Variants in DVL1 observed in about 807,000 individuals in gnomAD.
DVL1 encodes the protein dishevelled segment polarity protein 1, also known as segment polarity protein dishevelled homolog DVL-1.
DVL1 carries 49 observed loss-of-function variants against 65.0 expected under a neutral mutation model. The observed-to-expected ratio is 0.75, with a 90% CI of 0.60 to 0.96. The LOEUF (loss-of-function observed/expected upper bound fraction) is 0.96, where lower values mean the gene tolerates loss of function less well. Among genes scored for constraint, DVL1 ranks in the 40% least tolerant of loss-of-function variants. The pLI is 0.00. For synonymous variants in DVL1, 608 were observed against 433.9 expected (o/e 1.40, Z -4.99); for missense variants, 1,197 against 1,045.4 (o/e 1.15, Z -2.00).
chr1:1,347,911 T>C (rs577063305), intron 1 of DVL1, among the ~76,000 whole-genome samples: 29 of 152,276 alleles, frequency 1.9e-4, no homozygotes, highest in African/African-American at 7.0e-4. Flanking sequence ...TGGGCCCCCC[T>C]GAGAGCTCCA....
In DVL1 at chr1:1,341,756, C is replaced by T. The variant is rs771867746; in HGVS notation, c.516G>A (p.Gly172=). 1.2e-6 allele frequency: 2 copies of T among 1,606,710 alleles called. No homozygotes were observed. Among genetic ancestry groups the T allele is most frequent in the Non-Finnish European group, 1.7e-6 (2 of 1,176,298 alleles). Residue 172 remains glycine (G), a synonymous_variant, in exon 5 of 15, where the codon GGG becomes GGA. Coordinates refer to ENST00000378888, the MANE Select transcript of DVL1 (RefSeq NM_001330311.2). ...HPRGDRRRDV[G]LPPDSASTAL... ...CGGTGGACGCGCTGTCTGGGGGCAG[C>T]CCCACATCCCGCCGTCGGTCTCCCC...
In DVL1 at chr1:1,338,346, T is replaced by C. The variant is rs774887277; in HGVS notation, c.1430A>G (p.His477Arg). ...GTTGACCGTGTGCCGCAGGAAGCCG[T>C]GCTTCAGCAAGCTGCTGGCGTACTT... The part of the protein sequence containing the change: ...ARKYASSLLK[H>R]GFLRHTVNKI... Residue 477 changes from histidine (H) to arginine (R), a missense_variant, in exon 13 of 15, where the codon CAC (histidine) becomes CGC (arginine). His to Arg is a conservative substitution (Grantham distance 29, BLOSUM62 0). Coordinates refer to ENST00000378888, the MANE Select transcript of DVL1 (RefSeq NM_001330311.2). 2 of 1,612,360 alleles carry C rather than the reference T, an allele frequency of 1.2e-6. No individual in the cohort carries two copies. The highest frequency in any genetic ancestry group is 1.7e-6 in the Non-Finnish European group (2 of 1,179,808).
At chr1:1,339,509 AGAG>A (rs1424865573) in intron 10 of DVL1, 70 bp from the exon 11 acceptor site, 1 of 1,549,978 alleles carries the variant, frequency 6.5e-7, no homozygotes, top group Non-Finnish European at 8.7e-7. Context: ...TGCAGGGCAC[AGAG>A]GAGAGAGGCC....
chr1:1,340,550 G>A (rs570972869), intron 5 of DVL1, 47 bp from the exon 6 acceptor site: 8 of 1,553,704 alleles, frequency 5.1e-6, no homozygotes, highest in Non-Finnish European at 7.0e-6. Flanking sequence ...ACATGGGTAG[G>A]GGGGTGGGAA....
chr1:1,346,569 A>T (rs1643916784), intron 1 of DVL1, among the ~76,000 whole-genome samples: 1 of 152,200 alleles, frequency 6.6e-6, no homozygotes. Flanking sequence ...CAGGGCATGA[A>T]AAGTGGAGGA....
chr1:1,336,125 G>A lies in DVL1; in HGVS notation c.*17C>T, dbSNP rs1468927994. On this transcript the variant is annotated 3_prime_UTR_variant, in exon 15 of 15. Coordinates refer to ENST00000378888, the MANE Select transcript of DVL1 (RefSeq NM_001330311.2). ...CCAGCTCCCCACCTCAGGCAGGGCT[G>A]GGGCATGCGCCACGAGTCACATGAT... 1 of 1,569,894 alleles carries A rather than the reference G, an allele frequency of 6.4e-7. No individual in the cohort carries two copies. Among genetic ancestry groups the A allele is most frequent in the Non-Finnish European group, 8.6e-7 (1 of 1,164,976 alleles).
At chr1:1,344,825 CTT>C (rs1311066510) in intron 1 of DVL1, among the ~76,000 whole-genome samples, 2 of 152,182 alleles carry the variant, frequency 1.3e-5, no homozygotes, top group Non-Finnish European at 2.9e-5. Flanking sequence ...ACAGTGAGCC[CTT>C]GTCTCTAATG....
At position 1,338,315 on chromosome 1, in the gene DVL1, G is replaced by T. The variant is rs145559274; in HGVS notation, c.1461C>A (p.Ile487=). Residue 487 remains isoleucine (I), a synonymous_variant, in exon 13 of 15, where the codon ATC becomes ATA. Coordinates refer to ENST00000378888, the MANE Select transcript of DVL1 (RefSeq NM_001330311.2). ...HGFLRHTVNK[I]TFSEQCYYVF... Reference sequence around the variant, plus strand: ...CGTAGTAGCACTGCTCGGAGAAGGTGATCTTGTTGACCGTGTGCCGCAGGA... The same window carrying T: ...CGTAGTAGCACTGCTCGGAGAAGGTTATCTTGTTGACCGTGTGCCGCAGGA... 9.4e-5 allele frequency: 151 copies of T among 1,612,726 alleles called. No homozygotes were observed. The African/African-American group carries it at 1.8e-3, about 19-fold the overall frequency.
At chr1:1,343,877 C>G (rs1643881677) in intron 1 of DVL1, among the ~76,000 whole-genome samples, 1 of 152,192 alleles carries the variant, frequency 6.6e-6, no homozygotes, top group Admixed American at 6.5e-5. Flanking sequence ...CCGGCAGGGC[C>G]CCCAGGAGAG....
intron 14 of DVL1, chr1:1,337,085 G>C: frequency 2.0e-6 from 2 of 988,126 alleles, no homozygotes; most frequent in Non-Finnish European, 2.4e-6. Flanking sequence ...GGGATAGCAC[G>C]AGTTACACGC....
At chr1:1,343,020 T>C (rs1315869611) in intron 1 of DVL1, among the ~76,000 whole-genome samples, 1 of 149,922 alleles carries the variant, frequency 6.7e-6, no homozygotes, top group African/African-American at 2.5e-5. Context: ...CTCCGTCACA[T>C]CCTGGGCCCC....
In DVL1 at chr1:1,340,092, C is replaced by A. The variant is rs755185744; in HGVS notation, c.855G>T (p.Lys285Asn). 11 of 1,613,358 alleles carry A rather than the reference C, an allele frequency of 6.8e-6. No individual in the cohort carries two copies. The highest frequency in any genetic ancestry group is 9.3e-6 in the Non-Finnish European group (11 of 1,180,004). ...GGCCGTCAGCGGCCACAGCCCCGCC[C>A]TTCATGATGGAGCCAATGTAGATGC... ...DGGIYIGSIM[K>N]GGAVAADGRI... Residue 285 changes from lysine (K) to asparagine (N), a missense_variant, in exon 8 of 15, where the codon AAG (lysine) becomes AAT (asparagine). Lys to Asn is a moderately conservative substitution (Grantham distance 94, BLOSUM62 0). Transcript: ENST00000378888.
chr1:1,342,211 C>T, intron 3 of DVL1, 55 bp from the exon 4 acceptor site: 1 of 1,510,880 alleles, frequency 6.6e-7, no homozygotes, highest in Non-Finnish European at 8.9e-7. Flanking sequence ...CCCTCAGATG[C>T]CGCCCAGCCC....
chr1:1,336,954 G>T, intron 14 of DVL1: 1 of 969,140 alleles, frequency 1.0e-6, no homozygotes, highest in Non-Finnish European at 1.2e-6. Context: ...AAGACGCAGT[G>T]GGAGCTGGAG....
At chr1:1,342,307 A>G (rs1246342345) in intron 3 of DVL1, 56 bp downstream of exon 3, 1 of 1,514,102 alleles carries the variant, frequency 6.6e-7, no homozygotes, top group African/African-American at 1.4e-5. Flanking sequence ...CCTGTTGGCC[A>G]GCAACCCCCA....
chr1:1,340,198 C>T (rs753117571), intron 7 of DVL1, 21 bp from the exon 8 acceptor site: 23 of 1,613,586 alleles, frequency 1.4e-5, no homozygotes, highest in Admixed American at 3.3e-5. Flanking sequence ...AGCCATGAGC[C>T]GCGGCCAAGC....
At position 1,338,312 on chromosome 1, in the gene DVL1, G is replaced by A. The variant is rs372150438; in HGVS notation, c.1464C>T (p.Thr488=). 144 of 1,610,038 alleles carry A rather than the reference G, an allele frequency of 8.9e-5. No individual in the cohort carries two copies. Among genetic ancestry groups the A allele is most frequent in the Non-Finnish European group, 1.2e-4 (137 of 1,179,058 alleles). The part of the protein sequence containing the change: ...GFLRHTVNKI[T]FSEQCYYVFG... ...AGACGTAGTAGCACTGCTCGGAGAAGGTGATCTTGTTGACCGTGTGCCGCA... is the reference window on the plus strand; with the variant it reads ...AGACGTAGTAGCACTGCTCGGAGAAAGTGATCTTGTTGACCGTGTGCCGCA... The change falls in exon 13 of 15, where the codon ACC becomes ACT. Residue 488 remains threonine (T), a synonymous_variant. Transcript: ENST00000378888.
chr1:1,337,557 T>C (rs1331580273), intron 14 of DVL1, among the ~76,000 whole-genome samples: 5 of 152,166 alleles, frequency 3.3e-5, no homozygotes, highest in African/African-American at 9.7e-5. Context: ...ACATGGCCCA[T>C]GGCCACATGG....
chr1:1,338,047 G>C lies in DVL1; in HGVS notation c.1644C>G (p.Cys548Trp), dbSNP rs1467423849. 1 of 1,611,528 alleles carries C rather than the reference G, an allele frequency of 6.2e-7. No homozygotes were observed. Among genetic ancestry groups the C allele is most frequent in the Non-Finnish European group, 8.5e-7 (1 of 1,179,520 alleles). ...YPYQYPGPPPCFPPAYQDPGF... is the reference protein window; with the variant it reads ...YPYQYPGPPPWFPPAYQDPGF... ...CCGGGTCCTGGTAGGCAGGCGGGAA[G>C]CAGGGTGGGGGTCCCGGGTACTGGT... is the stretch of plus-strand genomic sequence containing the variant. The change falls in exon 14 of 15, where the codon TGC becomes TGG. Residue 548 changes from cysteine (C) to tryptophan (W), a missense_variant. Physicochemically the swap from Cys to Trp is radical, Grantham distance 215. Coordinates refer to ENST00000378888, the MANE Select transcript of DVL1 (RefSeq NM_001330311.2).
Sources: gnomAD v4.1 joint callset for allele counts (sites outside exome capture counted in the v4.1 genomes callset) on GRCh38, gnomAD v4.1.1 for gene constraint, MANE v1.5 for transcripts, NCBI Gene and HGNC (gene_info 2026-07-23, HGNC 2026-07-21) for gene names.